GRAMD1B: variants seen among roughly 807,000 people sequenced by gnomAD.
GRAMD1B encodes protein Aster-B.
Under a neutral mutation model 99.7 loss-of-function variants are expected in GRAMD1B, and 37 were observed. The observed-to-expected ratio is 0.37, with a 90% confidence interval of 0.29 to 0.49. GRAMD1B has a LOEUF of 0.49. Ranked by LOEUF, GRAMD1B falls within the 20% of genes least tolerant of loss-of-function variation. The pLI is 0.98. For synonymous variants in GRAMD1B, 427 were observed against 387.6 expected, an observed-to-expected ratio of 1.10 and a Z score of -1.19; for missense variants, 888 against 1,009.2, an observed-to-expected ratio of 0.88 and a Z score of 1.63.
At chr11:123,368,342 C>G (rs888999888) in intron 1 of GRAMD1B, among the ~76,000 whole-genome samples, 3 of 149,668 alleles carry the variant, frequency 2.0e-5, no homozygotes, top group African/African-American at 7.4e-5. Flanking sequence ...TGAACTAGGT[C>G]AATGGCCATA....
chr11:123,366,980 G>T (rs1159542668), intron 1 of GRAMD1B, among the ~76,000 whole-genome samples: 1 of 152,146 alleles, frequency 6.6e-6, no homozygotes, highest in Non-Finnish European at 1.5e-5. Context: ...AAGGTGGGAG[G>T]ATCGCTTGAG....
intron 3 of GRAMD1B, among the ~76,000 whole-genome samples, chr11:123,583,248 A>G (rs1404540509): frequency 7.6e-6 from 1 of 131,890 alleles, no homozygotes; most frequent in Non-Finnish European, 1.6e-5. Flanking sequence ...TGTCTGTGTG[A>G]ATGTGTGTGC....
At chr11:123,366,992 T>A (rs1181677309) in intron 1 of GRAMD1B, among the ~76,000 whole-genome samples, 2 of 152,010 alleles carry the variant, frequency 1.3e-5, no homozygotes, top group Non-Finnish European at 2.9e-5. Context: ...TCGCTTGAGA[T>A]CAGGATTTTA....
intron 2 of GRAMD1B, among the ~76,000 whole-genome samples, chr11:123,488,972 T>G (rs1467807147): frequency 2.0e-5 from 3 of 152,006 alleles, no homozygotes; most frequent in Non-Finnish European, 4.4e-5. Flanking sequence ...CCCTTAAGGT[T>G]GACCCCTTAG....
At chr11:123,518,979 C>T (rs1941939568) in intron 2 of GRAMD1B, among the ~76,000 whole-genome samples, 1 of 152,180 alleles carries the variant, frequency 6.6e-6, no homozygotes, top group Non-Finnish European at 1.5e-5. Context: ...TCAGTAAATC[C>T]AGGAGGCCAT....
At chr11:123,507,068 C>A (rs1024690786) in intron 2 of GRAMD1B, among the ~76,000 whole-genome samples, 4 of 152,140 alleles carry the variant, frequency 2.6e-5, no homozygotes, top group African/African-American at 7.2e-5. Flanking sequence ...CTGGGTGGAC[C>A]CCCATTAACA....
intron 1 of GRAMD1B, among the ~76,000 whole-genome samples, chr11:123,423,024 T>A (rs1326882458): frequency 6.6e-6 from 1 of 152,278 alleles, no homozygotes; most frequent in East Asian, 1.9e-4. Flanking sequence ...GAAGCAATAA[T>A]CATTTTTCAT....
intron 1 of GRAMD1B, among the ~76,000 whole-genome samples, chr11:123,409,335 T>C (rs1288556289): frequency 1.3e-5 from 2 of 152,226 alleles, no homozygotes; most frequent in Non-Finnish European, 2.9e-5. Flanking sequence ...TTGAGTGTTA[T>C]ATGTGTAGCA....
At chr11:123,619,680 C>G (rs1213377958) in intron 19 of GRAMD1B, 3 of 210,880 alleles carry the variant, frequency 1.4e-5, no homozygotes, top group African/African-American at 7.1e-5. Context: ...TGTACTTTGT[C>G]TTCTTTTCAT....
intron 2 of GRAMD1B, among the ~76,000 whole-genome samples, chr11:123,487,773 A>G (rs1381429354): frequency 6.6e-5 from 10 of 152,006 alleles, no homozygotes; most frequent in African/African-American, 2.4e-4. Flanking sequence ...TGCCCAGCTA[A>G]TTTTTGTATT....
chr11:123,407,090 AT>A (rs1431551350), intron 1 of GRAMD1B, among the ~76,000 whole-genome samples: 1 of 152,210 alleles, frequency 6.6e-6, no homozygotes, highest in Admixed American at 6.5e-5. Flanking sequence ...TTTTTCAATA[AT>A]TGCTTTGTAT....
chr11:123,455,968 G>A (rs1220611460), intron 1 of GRAMD1B, among the ~76,000 whole-genome samples: 1 of 152,056 alleles, frequency 6.6e-6, no homozygotes, highest in Non-Finnish European at 1.5e-5. Context: ...TCAGGAGTTC[G>A]AGACCAGCCT....
intron 7 of GRAMD1B, chr11:123,599,429 C>T: frequency 1.5e-6 from 1 of 648,758 alleles, no homozygotes. Flanking sequence ...GATAGCACTG[C>T]TGCTGCTCCA....
intron 1 of GRAMD1B, among the ~76,000 whole-genome samples, chr11:123,415,475 T>C (rs1232389632): frequency 1.3e-5 from 2 of 151,974 alleles, no homozygotes; most frequent in African/African-American, 4.8e-5. Context: ...GACATTGCTA[T>C]CTTTTCAGTC....
intron 2 of GRAMD1B, chr11:123,560,114 T>C: frequency 1.5e-6 from 1 of 684,752 alleles, no homozygotes; most frequent in Admixed American, 6.3e-5. Flanking sequence ...CTGGCATGAA[T>C]AATTGAGCGC....
At chr11:123,451,424 G>T (rs531321128) in intron 1 of GRAMD1B, among the ~76,000 whole-genome samples, 29 of 152,318 alleles carry the variant, frequency 1.9e-4, no homozygotes, top group African/African-American at 7.0e-4. Context: ...CTCAAAAAGA[G>T]GTTGTGTCAT....
intron 2 of GRAMD1B, among the ~76,000 whole-genome samples, chr11:123,503,959 G>A (rs1331241347): frequency 6.6e-6 from 1 of 152,150 alleles, no homozygotes; most frequent in Non-Finnish European, 1.5e-5. Context: ...GCTTAGAGAA[G>A]TTTCATAACT....
In GRAMD1B at chr11:123,571,003, G is replaced by A. The variant is rs945167007; in HGVS notation, c.453-6364G>A. On this transcript the variant is annotated intron_variant, in intron 2 of 19. Transcript: ENST00000635736. The stretch of plus-strand genomic sequence containing the variant: ...GGGCTGACAGTCTGACTGGGAATGC[G>A]CCAGGGCTGGGGCAGCCAGGCGCAC... Among the ~76,000 whole-genome samples the A allele has an allele frequency of 2.6e-4, 39 of 152,172 alleles. 1 individual carries two copies. Among genetic ancestry groups the A allele is most frequent in the Non-Finnish European group, 5.7e-4 (39 of 68,020 alleles).
intron 1 of GRAMD1B, among the ~76,000 whole-genome samples, chr11:123,362,664 AAAAAG>A (rs1209142183): frequency 6.6e-6 from 1 of 152,226 alleles, no homozygotes; most frequent in Non-Finnish European, 1.5e-5. Flanking sequence ...GAGGAAGTAT[AAAAAG>A]GCCATCTTTG....
Sources: allele counts gnomAD v4.1 joint callset (sites outside exome capture counted in the v4.1 genomes callset), GRCh38; gene constraint gnomAD v4.1.1; transcripts MANE v1.5; gene names NCBI Gene and HGNC (gene_info 2026-07-23, HGNC 2026-07-21).